Variants in NUP88 observed in about 807,000 individuals in gnomAD.
NUP88 encodes nucleoporin 88.
NUP88 carries 57 observed loss-of-function variants against 93.9 expected under a neutral mutation model. The ratio of observed to expected loss-of-function variants is 0.61; its 90% CI spans 0.49 to 0.76. NUP88 has a LOEUF of 0.76. NUP88 is among the 30% of genes least tolerant of loss of function. The pLI is 0.00. For synonymous variants in NUP88, 346 were observed against 336.8 expected (o/e 1.03, Z -0.30); for missense variants, 911 against 901.0 (o/e 1.01, Z -0.14).
chr17:5,389,175 C>G (rs914725434), intron 10 of NUP88, among the ~76,000 whole-genome samples: 1 of 152,230 alleles, frequency 6.6e-6, no homozygotes, highest in Non-Finnish European at 1.5e-5. Flanking sequence ...GCATTTCTGA[C>G]TGCCATTTCC....
In NUP88 at chr17:5,419,345, T is replaced by C; in HGVS notation, c.297+9A>G. On this transcript the variant is annotated intron_variant, in intron 1 of 16. Coordinates refer to ENST00000573584, the MANE Select transcript of NUP88 (RefSeq NM_002532.6). ...GTGAGGGTCACTTCCAAGATCGGCC[T>C]GGCATTACCTGGTACTGGGACAGGG... 2 of 1,549,178 alleles carry C rather than the reference T, an allele frequency of 1.3e-6. No homozygotes were observed. Among genetic ancestry groups the C allele is most frequent in the South Asian group, 2.4e-5 (2 of 83,858 alleles).
Position 5,405,136 on chromosome 17 carries a change from T to A in NUP88, c.965A>T (p.Asn322Ile). The A allele has an allele frequency of 6.2e-7, 1 of 1,614,202 alleles. No homozygotes were observed. The highest frequency in any genetic ancestry group is 8.5e-7 in the Non-Finnish European group (1 of 1,180,034). The part of the protein sequence containing the change: ...CAVLCLPCVP[N>I]ILVIATESGM... Reference sequence around the variant, plus strand: ...TGATTCAGTAGCGATCACTAAGATATTGGGGACACAGGGTAAGCAGAGTAC... The same window carrying A: ...TGATTCAGTAGCGATCACTAAGATAATGGGGACACAGGGTAAGCAGAGTAC... Residue 322 changes from asparagine to isoleucine, a missense_variant, in exon 6 of 17, where the codon AAT becomes ATT. Asn to Ile is a moderately radical substitution (Grantham distance 149). Transcript: ENST00000573584.
At chr17:5,393,219 T>C (rs978550844) in intron 9 of NUP88, among the ~76,000 whole-genome samples, 2 of 151,388 alleles carry the variant, frequency 1.3e-5, no homozygotes, top group African/African-American at 2.4e-5. Flanking sequence ...CCTCCCAAAG[T>C]GCTGGGATTA....
chr17:5,396,192 CAA>C (rs1366072913), intron 8 of NUP88, among the ~76,000 whole-genome samples: 2 of 151,982 alleles, frequency 1.3e-5, no homozygotes, highest in African/African-American at 4.8e-5. Flanking sequence ...GCCTGGGCAA[CAA>C]GAGTGAAACT....
intron 7 of NUP88, 68 bp downstream of exon 7, chr17:5,404,031 G>A (rs1913331646): frequency 2.1e-6 from 3 of 1,462,116 alleles, no homozygotes; most frequent in South Asian, 2.5e-5. Flanking sequence ...CATTACATAG[G>A]AACAGTCTAT....
intron 2 of NUP88, among the ~76,000 whole-genome samples, chr17:5,415,485 T>C (rs1914082681): frequency 6.6e-6 from 1 of 152,220 alleles, no homozygotes; most frequent in South Asian, 2.1e-4. Context: ...ATCCTATTTT[T>C]AAAATGAGGA....
intron 3 of NUP88, among the ~76,000 whole-genome samples, chr17:5,412,150 A>G (rs1301003445): frequency 2.0e-5 from 3 of 152,250 alleles, no homozygotes; most frequent in Non-Finnish European, 4.4e-5. Context: ...TTGGGGCTTA[A>G]GAACTGTACC....
intron 4 of NUP88, among the ~76,000 whole-genome samples, chr17:5,409,618 C>G (rs1371796677): frequency 3.3e-5 from 5 of 152,232 alleles, no homozygotes; most frequent in Admixed American, 6.5e-5. Flanking sequence ...TACTCTGTGC[C>G]AGGTACTTTT....
At position 5,419,622 on chromosome 17, in the gene NUP88, T is replaced by A. The variant is rs1163929966; in HGVS notation, c.29A>T (p.Asp10Val). The A allele has an allele frequency of 1.3e-6, 2 of 1,595,148 alleles. No individual in the cohort carries two copies. Among genetic ancestry groups the A allele is most frequent in the Admixed American group, 3.3e-5 (2 of 59,754 alleles). The change falls in exon 1 of 17, where the codon GAC becomes GTC. Residue 10 changes from aspartate (D) to valine (V), a missense_variant. Coordinates refer to ENST00000573584, the MANE Select transcript of NUP88 (RefSeq NM_002532.6). MAAAEGPVG[D>V]GELWQTWLPN... ...AAGCCAGGTCTGCCACAGCTCGCCG[T>A]CGCCCACCGGTCCCTCGGCGGCCGC...
chr17:5,387,255 C>T, intron 14 of NUP88, 131 bp downstream of exon 14: 1 of 1,240,496 alleles, frequency 8.1e-7, no homozygotes, highest in Non-Finnish European at 1.2e-6. Context: ...TTTTCCCCAA[C>T]ATATACTTCA....
rs774119118 is a variant in NUP88 at position 5,387,088 on chromosome 17, A to G, written c.1939T>C (p.Phe647Leu). 1.2e-6 allele frequency: 2 copies of G among 1,613,934 alleles called. No individual in the cohort carries two copies. The highest frequency in any genetic ancestry group is 1.1e-5 in the South Asian group (1 of 91,020). ...GAGAGAACTGGGAGCTCAGAGTGAA[A>G]ACTGTGAAGTAGTTTTTTCATCCTT... is the stretch of plus-strand genomic sequence containing the variant. ...MNRMKKLLHSFHSELPVLSDS... is the reference protein window; with the variant it reads ...MNRMKKLLHSLHSELPVLSDS... Residue 647 changes from phenylalanine to leucine, a missense_variant, in exon 15 of 17, where the codon TTT becomes CTT. Phe to Leu is a conservative substitution (Grantham distance 22). Transcript: ENST00000573584.
Position 5,398,889 on chromosome 17 carries a change from CCTT to C in NUP88, c.1291+660_1291+662del, listed in dbSNP as rs1324307237. ...TAAAGGCATGAGCCACTGCACCCAG[CCTT>C]TTTTTTTTTTTTTTGAGACGGAGTC... is the stretch of plus-strand genomic sequence containing the variant. On this transcript the variant is annotated intron_variant, in intron 8 of 16. Transcript: ENST00000573584. Among the ~76,000 whole-genome samples, 4 of 133,666 alleles carry C rather than the reference CCTT, an allele frequency of 3.0e-5. No homozygotes were observed. The East Asian group carries it at 7.5e-4, about 25-fold the overall frequency. 87.7% of individuals were successfully genotyped at this position (133,666 alleles called of 152,430 possible).
rs774744464 is a variant in NUP88, at chr17:5,386,784, CCTT to C, written c.2083_2085del (p.Lys695del). ...ATGGTGGGTTTTGGAAGACTCAACA[CCTT>C]CTCCATCTTTTGCTGTTGATAATCC... On this transcript the variant is annotated inframe_deletion, in exon 16 of 17. Coordinates refer to ENST00000573584, the MANE Select transcript of NUP88 (RefSeq NM_002532.6). 7.1e-5 allele frequency: 115 copies of C among 1,613,896 alleles called. No individual in the cohort carries two copies. The highest frequency in any genetic ancestry group is 1.6e-4 in the South Asian group (15 of 91,082).
At chr17:5,387,710 G>C in intron 12 of NUP88, 40 bp from the exon 13 acceptor site, 1 of 1,607,672 alleles carries the variant, frequency 6.2e-7, no homozygotes, top group South Asian at 1.1e-5. Flanking sequence ...TCAGAAGCCA[G>C]GTCTAGGCTA....
rs1337645030 is a variant in NUP88, at chr17:5,419,247, C to A, written c.297+107G>T. 38 of 1,298,532 alleles carry A rather than the reference C, an allele frequency of 2.9e-5. 1 individual carries two copies. In the South Asian group the frequency reaches 6.5e-4, roughly 22 times the overall value. 80.4% of individuals were successfully genotyped at this position (1,298,532 alleles called of 1,614,324 possible). ...GCGTATGGCAGCGTCGGAGTCAATC[C>A]GCTGGAACGCCTGCCACAAGATGAA... On this transcript the variant is annotated intron_variant, in intron 1 of 16. Transcript: ENST00000573584.
intron 2 of NUP88, among the ~76,000 whole-genome samples, chr17:5,415,271 C>T (rs1030617058): frequency 2.6e-5 from 4 of 152,088 alleles, no homozygotes; most frequent in Admixed American, 6.5e-5. Flanking sequence ...CCACCTGCCT[C>T]GGCCTCCCAA....
At chr17:5,393,049 G>C (rs888239107) in intron 9 of NUP88, among the ~76,000 whole-genome samples, 1 of 151,646 alleles carries the variant, frequency 6.6e-6, no homozygotes, top group South Asian at 2.1e-4. Flanking sequence ...ACCTCCCAGG[G>C]TCATACGATT....
In NUP88 at chr17:5,412,371, G is replaced by A. The variant is rs568325612; in HGVS notation, c.594-1582C>T. On this transcript the variant is annotated intron_variant, in intron 3 of 16. Coordinates refer to ENST00000573584, the MANE Select transcript of NUP88 (RefSeq NM_002532.6). ...CAGATGTGGAGGTACCTGTAATAAG[G>A]GAGACTGGTGCATTTCCTAGCTGAA... is the stretch of plus-strand genomic sequence containing the variant. 2.4e-4 allele frequency among the ~76,000 whole-genome samples: 36 copies of A among 152,228 alleles called. No homozygotes were observed. The South Asian group carries it at 6.8e-3, about 29-fold the overall frequency.
intron 1 of NUP88, chr17:5,418,027 C>G (rs1354664694): frequency 6.6e-6 from 1 of 150,506 alleles, no homozygotes; most frequent in Non-Finnish European, 1.5e-5. Context: ...GTAATCCCAG[C>G]TACTCGCGGG....
Sources: allele counts gnomAD v4.1 joint callset (sites outside exome capture counted in the v4.1 genomes callset), GRCh38; gene constraint gnomAD v4.1.1; transcripts MANE v1.5; gene names NCBI Gene and HGNC (gene_info 2026-07-23, HGNC 2026-07-21).